The following CSMD1 variants were observed in gnomAD, a reference collection of about 807,000 sequenced individuals.
The protein encoded by CSMD1 is CUB and Sushi multiple domains 1.
In CSMD1, 213 loss-of-function variants were observed where a neutral mutation model predicts 417.5. That is an observed-to-expected ratio of 0.51 (90% CI 0.46 to 0.57). The LOEUF (loss-of-function observed/expected upper bound fraction) is 0.57. CSMD1 is among the 20% of genes least tolerant of loss of function. The probability of loss-of-function intolerance (pLI) is 0.00; values close to 1 mark genes in which losing one functional copy is unlikely to be tolerated. For missense variants in CSMD1, 6,923 were observed against 4,529.7 expected (o/e 1.53, Z -15.17); for synonymous variants, 2,862 against 1,736.8 (o/e 1.65, Z -16.11).
intron 2 of CSMD1, among the ~76,000 whole-genome samples, chr8:4,547,858 T>C (rs758251231): frequency 1.3e-4 from 20 of 152,238 alleles, no homozygotes; most frequent in South Asian, 1.0e-3. Context: ...TGCACGGGGA[T>C]TGGACGGGAT....
chr8:3,460,274 C>A (rs193029592), intron 12 of CSMD1, among the ~76,000 whole-genome samples: 163 of 151,886 alleles, frequency 1.1e-3, no homozygotes, highest in Admixed American at 2.1e-3. Flanking sequence ...TGGGGAGATA[C>A]GTGTGCAAAG....
chr8:2,999,953 C>G lies in CSMD1; in HGVS notation c.8203+5G>C, dbSNP rs761490378. 1 of 1,607,050 alleles carries G rather than the reference C, an allele frequency of 6.2e-7. No individual in the cohort carries two copies. The highest frequency in any genetic ancestry group is 8.5e-7 in the Non-Finnish European group (1 of 1,177,394). On this transcript the variant is annotated splice_donor_5th_base_variant and intron_variant, in intron 53 of 69. Transcript: ENST00000635120. ...GATGAATTCGTCCACAAAGAGTGCA[C>G]TTACGGACACAGACAGGCGTTTGTC...
rs528999138 is a variant in CSMD1 at position 3,512,317 on chromosome 8, G to T, written c.1345-18591C>A. Among the ~76,000 whole-genome samples the T allele has an allele frequency of 2.6e-5, 4 of 152,294 alleles. No individual in the cohort carries two copies. In the East Asian group the frequency reaches 7.7e-4, roughly 29 times the overall value. ...CAGTGCTGAGTTTAGCAACTTATTT[G>T]TTCTATACCCACAGCCTCAGCCTCT... On this transcript the variant is annotated intron_variant, in intron 10 of 69. Coordinates refer to ENST00000635120, the MANE Select transcript of CSMD1 (RefSeq NM_033225.6).
intron 1 of CSMD1, among the ~76,000 whole-genome samples, chr8:4,700,972 A>T (rs1352705662): frequency 1.3e-5 from 2 of 152,204 alleles, no homozygotes; most frequent in African/African-American, 4.8e-5. Flanking sequence ...GCATGTACAT[A>T]CTTCTAATAA....
chr8:3,658,749 C>G (rs1798258073), intron 7 of CSMD1, among the ~76,000 whole-genome samples: 1 of 152,092 alleles, frequency 6.6e-6, no homozygotes, highest in Non-Finnish European at 1.5e-5. Flanking sequence ...TGCCACTGAA[C>G]TTCAGCCTGG....
intron 6 of CSMD1, among the ~76,000 whole-genome samples, chr8:3,748,665 A>G (rs1797172561): frequency 6.6e-6 from 1 of 152,246 alleles, no homozygotes; most frequent in Non-Finnish European, 1.5e-5. Flanking sequence ...AAATGTGAGC[A>G]TTGGAGAATG....
At chr8:4,126,823 A>ACT (rs1802791215) in intron 3 of CSMD1, among the ~76,000 whole-genome samples, 1 of 152,140 alleles carries the variant, frequency 6.6e-6, no homozygotes, top group African/African-American at 2.4e-5. Context: ...GGGGTAGGAG[A>ACT]TGTCCAGGAC....
At chr8:2,968,451 A>C (rs1200488498) in intron 57 of CSMD1, among the ~76,000 whole-genome samples, 1 of 152,236 alleles carries the variant, frequency 6.6e-6, no homozygotes, top group Admixed American at 6.5e-5. Context: ...ATTTCAATTC[A>C]GTTTGTAAGG....
rs189192038 is a variant in CSMD1, at chr8:3,607,924, C to A, written c.1097+8786G>T. Among the ~76,000 whole-genome samples the A allele has an allele frequency of 4.1e-4, 62 of 152,294 alleles. No individual in the cohort carries two copies. In the East Asian group the frequency reaches 0.011, roughly 28 times the overall value. ...GTGGTTCATGCCTGTAATCCCAGCA[C>A]TTTGGGAGGCCAAGGCAGGCGGATC... On this transcript the variant is annotated intron_variant, in intron 8 of 69. Transcript: ENST00000635120.
At chr8:4,338,974 A>G (rs2128894328) in intron 3 of CSMD1, among the ~76,000 whole-genome samples, 2 of 152,240 alleles carry the variant, frequency 1.3e-5, no homozygotes, top group East Asian at 3.9e-4. Flanking sequence ...ACAGTCAATG[A>G]TCAGAAAATG....
chr8:4,212,274 C>T (rs1330797808), intron 3 of CSMD1, among the ~76,000 whole-genome samples: 3 of 151,616 alleles, frequency 2.0e-5, no homozygotes, highest in Non-Finnish European at 4.4e-5. Flanking sequence ...CAGATAAATA[C>T]TATTCTACAA....
At chr8:4,859,714 C>T (rs956752465) in intron 1 of CSMD1, among the ~76,000 whole-genome samples, 3 of 151,896 alleles carry the variant, frequency 2.0e-5, no homozygotes, top group Admixed American at 6.6e-5. Flanking sequence ...AATGAGATAC[C>T]ATCTCACACC....
chr8:4,292,443 G>C (rs1366190958), intron 3 of CSMD1, among the ~76,000 whole-genome samples: 1 of 151,944 alleles, frequency 6.6e-6, no homozygotes, highest in Non-Finnish European at 1.5e-5. Flanking sequence ...TAATACAGAC[G>C]GAATTTCACC....
At chr8:3,823,472 G>A (rs1026135615) in intron 5 of CSMD1, among the ~76,000 whole-genome samples, 2 of 152,060 alleles carry the variant, frequency 1.3e-5, no homozygotes, top group East Asian at 1.9e-4. Context: ...TTTATGCAAC[G>A]AATGTATTTT....
rs533510645 is a variant in CSMD1 at position 3,199,707 on chromosome 8, C to A, written c.5194+7G>T. 1.7e-4 allele frequency: 272 copies of A among 1,569,190 alleles called. 2 individuals are homozygous for A. In the South Asian group the frequency reaches 2.4e-3, roughly 14 times the overall value. ...TGACATGTGGAGACATGTGGAGTGA[C>A]GCTTACCTTGATACACGAAGTGGAA... On this transcript the variant is annotated splice_region_variant and intron_variant, in intron 33 of 69. Transcript: ENST00000635120.
chr8:4,584,761 T>G (rs1211540642), intron 2 of CSMD1, among the ~76,000 whole-genome samples: 1 of 152,090 alleles, frequency 6.6e-6, no homozygotes, highest in African/African-American at 2.4e-5. Context: ...CCAGACAAAC[T>G]TCCTCTCACC....
In CSMD1 at chr8:3,089,094, C is replaced by A. The variant is rs547249902; in HGVS notation, c.7286-1809G>T. The stretch of plus-strand genomic sequence containing the variant: ...GGGCCCTACAGGGGAAACCATAGCA[C>A]AGAATACAAAGAGAGACTGGAGCAG... On this transcript the variant is annotated intron_variant, in intron 48 of 69. Transcript: ENST00000635120. Among the ~76,000 whole-genome samples, 10 of 152,294 alleles carry A rather than the reference C, an allele frequency of 6.6e-5. No individual in the cohort carries two copies. In the East Asian group the frequency reaches 1.9e-3, roughly 29 times the overall value.
At chr8:4,561,167 C>T (rs1251918869) in intron 2 of CSMD1, among the ~76,000 whole-genome samples, 1 of 152,124 alleles carries the variant, frequency 6.6e-6, no homozygotes, top group African/African-American at 2.4e-5. Flanking sequence ...GTCAGGAGAT[C>T]AAGACCATCC....
At chr8:3,952,860 G>C (rs1036963531) in intron 5 of CSMD1, among the ~76,000 whole-genome samples, 5 of 152,078 alleles carry the variant, frequency 3.3e-5, no homozygotes, top group African/African-American at 1.2e-4. Context: ...GTGAAAATAA[G>C]AGCAAAAAAC....
Sources: allele counts gnomAD v4.1 joint callset (sites outside exome capture counted in the v4.1 genomes callset), GRCh38; gene constraint gnomAD v4.1.1; transcripts MANE v1.5; gene names NCBI Gene and HGNC (gene_info 2026-07-23, HGNC 2026-07-21).